The following PEDS1 variants were observed in gnomAD, a reference collection of about 807,000 sequenced individuals.
The protein encoded by PEDS1 is CarF homolog.
PEDS1 carries 14 observed loss-of-function variants against 35.2 expected under a neutral mutation model. The observed-to-expected ratio is 0.40, with a 90% CI of 0.26 to 0.62. The LOEUF is 0.62. Among genes scored for constraint, PEDS1 ranks in the 20% least tolerant of loss-of-function variants. The pLI is 0.44. For synonymous variants in PEDS1, 152 were observed against 152.0 expected, an observed-to-expected ratio of 1.00 and a Z score of 0.00; for missense variants, 260 against 367.8, an observed-to-expected ratio of 0.71 and a Z score of 2.40.
chr20:50,153,642 A>G lies in PEDS1; in HGVS notation c.-5T>C, dbSNP rs1184363543. On this transcript the variant is annotated 5_prime_UTR_variant, in exon 1 of 6. Coordinates refer to ENST00000371652, the MANE Select transcript of PEDS1 (RefSeq NM_199129.4). Reference sequence around the variant, plus strand: ...CCAGTTCTCGGCGCCCGCCATGGCCACTCGCCCGATCGGCCCGGTGCGCTC... The same window carrying G: ...CCAGTTCTCGGCGCCCGCCATGGCCGCTCGCCCGATCGGCCCGGTGCGCTC... 4.0e-6 allele frequency: 5 copies of G among 1,248,946 alleles called. No homozygotes were observed. The highest frequency in any genetic ancestry group is 5.0e-6 in the Non-Finnish European group (5 of 995,322). 77.4% of individuals were successfully genotyped at this position (1,248,946 alleles called of 1,614,324 possible). A position where few individuals can be genotyped will look rare whatever the true frequency, so the allele number is the denominator to read the frequency against.
intron 2 of PEDS1, among the ~76,000 whole-genome samples, chr20:50,139,641 G>C (rs996695803): frequency 2.0e-5 from 3 of 151,556 alleles, no homozygotes; most frequent in African/African-American, 7.3e-5. Context: ...AGGAGATAAG[G>C]AGCTTCATCT....
At chr20:50,131,217 C>T (rs1001563595) in intron 2 of PEDS1, 3 of 713,284 alleles carry the variant, frequency 4.2e-6, no homozygotes, top group Non-Finnish European at 7.2e-6. Flanking sequence ...CTCAACCTTT[C>T]CCTATTAGGA....
chr20:50,131,154 G>T, intron 2 of PEDS1: 2 of 1,279,836 alleles, frequency 1.6e-6, no homozygotes, highest in South Asian at 1.3e-5. Context: ...GAGATGCCAA[G>T]ACTCATGTGC....
intron 2 of PEDS1, 38 bp downstream of exon 2, chr20:50,143,464 G>T: frequency 6.3e-7 from 1 of 1,581,496 alleles, no homozygotes; most frequent in East Asian, 2.3e-5. Context: ...CTGGCCCCTA[G>T]GGAAGTTGAG....
At chr20:50,139,003 GA>G (rs1450861842) in intron 2 of PEDS1, among the ~76,000 whole-genome samples, 1 of 152,160 alleles carries the variant, frequency 6.6e-6, no homozygotes, top group African/African-American at 2.4e-5. Context: ...CGTGGAGATG[GA>G]AGGCGTGGCT....
Position 50,124,905 on chromosome 20 carries a change from C to G in PEDS1, c.*153G>C. 2.2e-6 allele frequency: 2 copies of G among 923,798 alleles called. No homozygotes were observed. The highest frequency in any genetic ancestry group is 3.3e-6 in the Non-Finnish European group (2 of 614,564). The allele number at this position is 923,798 out of a possible 1,614,324, so 57.2% of individuals were successfully genotyped here. ...ATGAAAAATCAGTGGCTCAAGTATT[C>G]TGTGTCATGAGGGGTGGGCTGGGGT... is the stretch of plus-strand genomic sequence containing the variant. On this transcript the variant is annotated 3_prime_UTR_variant, in exon 6 of 6. Transcript: ENST00000371652.
chr20:50,135,609 G>C (rs2081225604), intron 2 of PEDS1, among the ~76,000 whole-genome samples: 1 of 127,166 alleles, frequency 7.9e-6, no homozygotes, highest in Non-Finnish European at 1.6e-5. Context: ...GGTGAGCTGA[G>C]ATCACGCCAT....
Position 50,153,703 on chromosome 20 carries a change from G to C in PEDS1, c.-66C>G. 8.6e-7 allele frequency: 1 copy of C among 1,169,464 alleles called. No homozygotes were observed. The highest frequency in any genetic ancestry group is 1.1e-6 in the Non-Finnish European group (1 of 948,548). The allele number at this position is 1,169,464 out of a possible 1,614,324, so 72.4% of individuals were successfully genotyped here. A position where few individuals can be genotyped will look rare whatever the true frequency, so the allele number is the denominator to read the frequency against. On this transcript the variant is annotated 5_prime_UTR_variant, in exon 1 of 6. Coordinates refer to ENST00000371652, the MANE Select transcript of PEDS1 (RefSeq NM_199129.4). ...GGCGGCGGCAGGGCCGCGGAACCGC[G>C]GCGAGATCACGCCGCCCAATGACCG...
chr20:50,140,081 A>G (rs936658630), intron 2 of PEDS1, among the ~76,000 whole-genome samples: 1 of 152,198 alleles, frequency 6.6e-6, no homozygotes, highest in Non-Finnish European at 1.5e-5. Flanking sequence ...TCTGTGAATG[A>G]CAGCTTCATC....
In PEDS1 at chr20:50,136,392, T is replaced by C. The variant is rs190432836; in HGVS notation, c.242-5445A>G. ...AACTTCCCATTCCTTAAGTGTGGGC[T>C]GTGTACAGAGACCTCCTTCCAAAAA... On this transcript the variant is annotated intron_variant, in intron 2 of 5. Transcript: ENST00000371652. Among the ~76,000 whole-genome samples, 363 of 152,286 alleles carry C rather than the reference T, an allele frequency of 2.4e-3. 3 individuals are homozygous for C. Among genetic ancestry groups the C allele is most frequent in the African/African-American group, 8.4e-3 (351 of 41,570 alleles).
In PEDS1 at chr20:50,146,665, T is replaced by C. The variant is rs1191214357; in HGVS notation, c.122-3044A>G. Among the ~76,000 whole-genome samples, 8 of 152,176 alleles carry C rather than the reference T, an allele frequency of 5.3e-5. No homozygotes were observed. The South Asian group carries it at 1.0e-3, about 20-fold the overall frequency. ...CAGGACAGCTGCCCTCCCCTGCCCC[T>C]TGAAAAGACCAAGGCTCAGAAGGGG... On this transcript the variant is annotated intron_variant, in intron 1 of 5. Coordinates refer to ENST00000371652, the MANE Select transcript of PEDS1 (RefSeq NM_199129.4).
At chr20:50,126,066 C>T (rs1463422597) in intron 5 of PEDS1, among the ~76,000 whole-genome samples, 1 of 152,150 alleles carries the variant, frequency 6.6e-6, no homozygotes, top group Non-Finnish European at 1.5e-5. Context: ...TAACCTGTAA[C>T]CATCTTCGTT....
At chr20:50,145,108 A>T (rs1477267003) in intron 1 of PEDS1, among the ~76,000 whole-genome samples, 1 of 152,040 alleles carries the variant, frequency 6.6e-6, no homozygotes. Context: ...AGGCTGAGGC[A>T]AGAGAATCAC....
At chr20:50,152,614 G>A (rs1375376933) in intron 1 of PEDS1, among the ~76,000 whole-genome samples, 1 of 152,188 alleles carries the variant, frequency 6.6e-6, no homozygotes, top group Non-Finnish European at 1.5e-5. Context: ...AGAAGCTAGG[G>A]AGAAACCGTG....
chr20:50,151,354 G>C, intron 1 of PEDS1: 2 of 1,226,980 alleles, frequency 1.6e-6, no homozygotes, highest in Non-Finnish European at 2.2e-6. Context: ...GCAATTGATC[G>C]TGGTGGAGTG....
intron 1 of PEDS1, among the ~76,000 whole-genome samples, chr20:50,150,913 C>T (rs1292989534): frequency 6.6e-6 from 1 of 152,114 alleles, no homozygotes; most frequent in Non-Finnish European, 1.5e-5. Context: ...CCAGGCTGGT[C>T]TCGAACTCCT....
intron 1 of PEDS1, among the ~76,000 whole-genome samples, chr20:50,152,861 T>C (rs1050426945): frequency 6.6e-6 from 1 of 150,910 alleles, no homozygotes; most frequent in African/African-American, 2.5e-5. Context: ...CACTGGAGGG[T>C]TGGGGAGAGG....
At chr20:50,127,195 C>A (rs1327233488) in intron 5 of PEDS1, among the ~76,000 whole-genome samples, 7 of 152,180 alleles carry the variant, frequency 4.6e-5, no homozygotes, top group South Asian at 2.1e-4. Context: ...ATTTAAGAGG[C>A]AAAGCCCCCA....
Position 50,125,137 on chromosome 20 carries a change from C to A in PEDS1, c.734G>T (p.Arg245Leu), listed in dbSNP as rs199724655. The A allele has an allele frequency of 9.9e-6, 16 of 1,614,040 alleles. No homozygotes were observed. In the South Asian group the frequency reaches 1.8e-4, roughly 18 times the overall value. Residue 245 changes from arginine (R) to leucine (L), a missense_variant, in exon 6 of 6, where the codon CGC becomes CTC. This residue lies in a region of PEDS1 where 83 missense variants were observed against 142.8 expected (regional missense o/e 0.58). Coordinates refer to ENST00000371652, the MANE Select transcript of PEDS1 (RefSeq NM_199129.4). Reference protein sequence around the residue: ...YPLEKIGFWRRLEDLIQGLTG... With the variant: ...YPLEKIGFWRLLEDLIQGLTG... ...CAGGCCCTGGATGAGGTCCTCCAGG[C>A]GTCGCCAGAAGCCTATCTTCTCCAG...
Sources: allele counts gnomAD v4.1 joint callset (sites outside exome capture counted in the v4.1 genomes callset), GRCh38; gene constraint gnomAD v4.1.1; regional missense constraint gnomAD v4.1.1; transcripts MANE v1.5; gene names NCBI Gene and HGNC (gene_info 2026-07-23, HGNC 2026-07-21).